The following CYP21A2 variants were observed in gnomAD, a reference collection of about 807,000 sequenced individuals.
CYP21A2 encodes the protein steroid 21-hydroxylase.
In CYP21A2, 24 loss-of-function variants were observed where a neutral mutation model predicts 47.4. The observed-to-expected ratio is 0.51, with a 90% CI of 0.37 to 0.71. CYP21A2 has a LOEUF of 0.71. Among genes scored for constraint, CYP21A2 ranks in the 30% least tolerant of loss-of-function variants. The pLI is 0.00. For missense variants in CYP21A2, 358 were observed against 643.2 expected, an observed-to-expected ratio of 0.56 and a Z score of 4.80; for synonymous variants, 130 against 273.9, an observed-to-expected ratio of 0.47 and a Z score of 5.19.
rs370227702 is a variant in CYP21A2, at chr6:32,041,194, C to G, written c.*60C>G. On this transcript the variant is annotated 3_prime_UTR_variant, in exon 10 of 10. Coordinates refer to ENST00000644719, the MANE Select transcript of CYP21A2 (RefSeq NM_000500.9). Reference sequence around the variant, plus strand: ...TTCTCCTTTATTGCTCCCGTACGAACCCCTCCCCTCCCCCCTGTAAACACA... The same window carrying G: ...TTCTCCTTTATTGCTCCCGTACGAAGCCCTCCCCTCCCCCCTGTAAACACA... 6,960 of 976,308 alleles carry G rather than the reference C, an allele frequency of 7.1e-3. 1 individual carries two copies. Among genetic ancestry groups the G allele is most frequent in the South Asian group, 0.013 (1,025 of 77,040 alleles). 60.5% of individuals were successfully genotyped at this position (976,308 alleles called of 1,614,324 possible).
Position 32,041,208 on chromosome 6 carries a change from C to T in CYP21A2, c.*74C>T. 3 of 927,632 alleles carry T rather than the reference C, an allele frequency of 3.2e-6. 1 individual carries two copies. Among genetic ancestry groups the T allele is most frequent in the Non-Finnish European group, 5.3e-6 (3 of 569,222 alleles). 57.5% of individuals were successfully genotyped at this position (927,632 alleles called of 1,614,324 possible). On this transcript the variant is annotated 3_prime_UTR_variant, in exon 10 of 10. Transcript: ENST00000644719. ...TCCCGTACGAACCCCTCCCCTCCCC[C>T]CTGTAAACACAGTGCTGCGAGATCG...
chr6:32,039,016 G>T, intron 2 of CYP21A2, 78 bp from the exon 3 acceptor site: 3 of 1,553,834 alleles, frequency 1.9e-6, no homozygotes, highest in Non-Finnish European at 2.6e-6. Context: ...GAAAGCAGGG[G>T]TTGGGGAGGC....
Position 32,039,816 on chromosome 6 carries a change from T to A in CYP21A2, c.719T>A (p.Met240Lys), listed in dbSNP as rs6476. Residue 240 changes from methionine to lysine, a missense_variant, in exon 6 of 10, where the codon ATG becomes AAG. Physicochemically the swap from Met to Lys is moderately conservative, Grantham distance 95. Coordinates refer to ENST00000644719, the MANE Select transcript of CYP21A2 (RefSeq NM_000500.9). ...GAGAAGAGGGATCACATCGTGGAGA[T>A]GCAGCTGAGGCAGCACAAGGTGGGG... The part of the protein sequence containing the change: ...AIEKRDHIVE[M>K]QLRQHKESLV... 8.8e-4 allele frequency: 1,417 copies of A among 1,613,904 alleles called. 14 individuals carry two copies. In the African/African-American group the frequency reaches 0.015, roughly 17 times the overall value.
intron 2 of CYP21A2, 64 bp from the exon 3 acceptor site, chr6:32,039,030 A>C (rs1327221100): frequency 6.4e-7 from 1 of 1,561,874 alleles, no homozygotes. Flanking sequence ...GGGAGGCCGA[A>C]GAAGGTCAGG....
In CYP21A2 at chr6:32,039,765, G is replaced by C; in HGVS notation, c.668G>C (p.Gly223Ala). 1 of 1,612,856 alleles carries C rather than the reference G, an allele frequency of 6.2e-7. No homozygotes were observed. Among genetic ancestry groups the C allele is most frequent in the African/African-American group, 1.3e-5 (1 of 74,974 alleles). ...CTGCCGCAGTTCTTCCCCAATCCAG[G>C]TCTCCGGAGGCTGAAGCAGGCCATA... is the stretch of plus-strand genomic sequence containing the variant. ...IPFLRFFPNPGLRRLKQAIEK... is the reference protein window; with the variant it reads ...IPFLRFFPNPALRRLKQAIEK... The change falls in exon 6 of 10, where the codon GGT becomes GCT. Residue 223 changes from glycine to alanine, a missense_variant. Physicochemically the swap from Gly to Ala is moderately conservative, Grantham distance 60. Transcript: ENST00000644719.
rs761406994 is a variant in CYP21A2 at position 32,039,386 on chromosome 6, G to A, written c.478G>A (p.Ala160Thr). 13 of 1,612,164 alleles carry A rather than the reference G, an allele frequency of 8.1e-6. No homozygotes were observed. The highest frequency in any genetic ancestry group is 1.1e-5 in the Non-Finnish European group (13 of 1,179,266). ...RMRAQPGTPV[A>T]IEEEFSLLTC... ...GAGAGCCCAGCCCGGCACCCCTGTG[G>A]CCATTGAGGAGGAATTCTCTCTCCT... Residue 160 changes from alanine to threonine, a missense_variant, in exon 4 of 10, where the codon GCC becomes ACC. Physicochemically the swap from Ala to Thr is moderately conservative, Grantham distance 58. Coordinates refer to ENST00000644719, the MANE Select transcript of CYP21A2 (RefSeq NM_000500.9).
chr6:32,039,734 T>C lies in CYP21A2; in HGVS notation c.652-15T>C. The C allele has an allele frequency of 1.9e-6, 3 of 1,599,354 alleles. No homozygotes were observed. Among genetic ancestry groups the C allele is most frequent in the Non-Finnish European group, 2.6e-6 (3 of 1,173,364 alleles). On this transcript the variant is annotated splice_polypyrimidine_tract_variant and intron_variant, in intron 5 of 9. Coordinates refer to ENST00000644719, the MANE Select transcript of CYP21A2 (RefSeq NM_000500.9). ...GCTCCTTCCCACAGCTGCATTCTCA[T>C]GCTTCCTGCCGCAGTTCTTCCCCAA...
At chr6:32,039,937 G>A (rs1407874578) in intron 6 of CYP21A2, 68 bp from the exon 7 acceptor site, 2 of 1,609,416 alleles carry the variant, frequency 1.2e-6, no homozygotes, top group Non-Finnish European at 1.7e-6. Flanking sequence ...CCCAGTTATG[G>A]GCCTGTTGCC....
At chr6:32,039,062 T>TGG in intron 2 of CYP21A2, 32 bp from the exon 3 acceptor site, 1 of 1,565,826 alleles carries the variant, frequency 6.4e-7, no homozygotes, top group Non-Finnish European at 8.7e-7. Context: ...CTTCATCAGT[T>TGG]CCCACCCTCC....
intron 2 of CYP21A2, 64 bp from the exon 3 acceptor site, chr6:32,039,027 CGAA>C (rs1562756023): frequency 4.5e-6 from 7 of 1,555,688 alleles, no homozygotes; most frequent in South Asian, 1.2e-5. Context: ...TTGGGGAGGC[CGAA>C]GAAGGTCAGG....
At chr6:32,040,265 C>A in intron 7 of CYP21A2, 60 bp downstream of exon 7, 3 of 1,612,594 alleles carry the variant, frequency 1.9e-6, no homozygotes, top group South Asian at 1.1e-5. Context: ...GCGGTGGGCA[C>A]CCTCACTCAG....
Position 32,041,628 on chromosome 6 carries a change from A to G in CYP21A2, c.*494A>G, listed in dbSNP as rs1776405425. ...GCTGGCCCTTTCCAGCCAATAAATCAACTCCAGCTCCCTCTGCGAGGCTGG... is the reference window on the plus strand; with the variant it reads ...GCTGGCCCTTTCCAGCCAATAAATCGACTCCAGCTCCCTCTGCGAGGCTGG... On this transcript the variant is annotated 3_prime_UTR_variant, in exon 10 of 10. Transcript: ENST00000644719. The G allele has an allele frequency of 3.7e-6, 4 of 1,091,330 alleles. No homozygotes were observed. The highest frequency in any genetic ancestry group is 5.5e-6 in the Non-Finnish European group (4 of 730,030). 67.6% of individuals were successfully genotyped at this position (1,091,330 alleles called of 1,614,324 possible). A position where few individuals can be genotyped will look rare whatever the true frequency, so the allele number is the denominator to read the frequency against.
intron 7 of CYP21A2, 44 bp downstream of exon 7, chr6:32,040,249 G>T (rs751174502): frequency 1.9e-5 from 31 of 1,612,596 alleles, no homozygotes; most frequent in Non-Finnish European, 2.6e-5. Flanking sequence ...CAGCAACCTG[G>T]CCAGGGCGGT....
Position 32,039,570 on chromosome 6 carries a change from T to G in CYP21A2, c.574T>G (p.Tyr192Asp), listed in dbSNP as rs1776117858. The G allele has an allele frequency of 6.3e-7, 1 of 1,581,542 alleles. No homozygotes were observed. The highest frequency in any genetic ancestry group is 2.3e-5 in the East Asian group (1 of 43,688). The change falls in exon 5 of 10, where the codon TAC becomes GAC. Residue 192 changes from tyrosine to aspartate, a missense_variant. Coordinates refer to ENST00000644719, the MANE Select transcript of CYP21A2 (RefSeq NM_000500.9). Reference protein sequence around the residue: ...IKDDNLMPAYYKCIQEVLKTW... With the variant: ...IKDDNLMPAYDKCIQEVLKTW... The stretch of plus-strand genomic sequence containing the variant: ...GGACGACAACTTAATGCCTGCCTAT[T>G]ACAAATGTATCCAGGAGGTGTTAAA...
In CYP21A2 at chr6:32,039,842, A is replaced by C. The variant is rs745622551; in HGVS notation, c.738+7A>C. ...GCAGCTGAGGCAGCACAAGGTGGGG[A>C]CTGTACGTGGACGGCCTCCCCTCGG... On this transcript the variant is annotated splice_region_variant and intron_variant, in intron 6 of 9. Transcript: ENST00000644719. The C allele has an allele frequency of 6.2e-7, 1 of 1,613,104 alleles. No individual in the cohort carries two copies. The highest frequency in any genetic ancestry group is 1.3e-5 in the African/African-American group (1 of 74,860).
rs1460792252 is a variant in CYP21A2 at position 32,038,421 on chromosome 6, C to T, written c.-2C>T. ...CCTCAGGGCCCTGACGGGCGTCTCGCCATGCTGCTCCTGGGCCTGCTGCTG... is the reference window on the plus strand; with the variant it reads ...CCTCAGGGCCCTGACGGGCGTCTCGTCATGCTGCTCCTGGGCCTGCTGCTG... On this transcript the variant is annotated 5_prime_UTR_variant, in exon 1 of 10. Transcript: ENST00000644719. 2.6e-6 allele frequency: 4 copies of T among 1,551,010 alleles called. No homozygotes were observed. The highest frequency in any genetic ancestry group is 1.4e-5 in the African/African-American group (1 of 73,032).
chr6:32,040,433 G>C lies in CYP21A2; in HGVS notation c.967G>C (p.Asp323His), dbSNP rs142058202. The C allele has an allele frequency of 1.2e-6, 2 of 1,613,006 alleles. No homozygotes were observed. Among genetic ancestry groups the C allele is most frequent in the Non-Finnish European group, 1.7e-6 (2 of 1,179,824 alleles). The change falls in exon 8 of 10, where the codon GAC becomes CAC. Residue 323 changes from aspartate to histidine, a missense_variant. By Grantham distance (81) the Asp-to-His change is moderately conservative (BLOSUM62 -1). Transcript: ENST00000644719. ...TCAGCAGCGACTGCAGGAGGAGCTA[G>C]ACCACGAACTGGGCCCTGGTGCCTC... The part of the protein sequence containing the change: ...EIQQRLQEEL[D>H]HELGPGASSS...
At position 32,040,415 on chromosome 6, in the gene CYP21A2, C is replaced by T. The variant is rs748290896; in HGVS notation, c.949C>T (p.Arg317Ter). The T allele has an allele frequency of 4.3e-6, 7 of 1,613,026 alleles. No homozygotes were observed. Among genetic ancestry groups the T allele is most frequent in the East Asian group, 2.2e-5 (1 of 44,870 alleles). The stretch of plus-strand genomic sequence containing the variant: ...CCCGATCATTCCCCAGATTCAGCAG[C>T]GACTGCAGGAGGAGCTAGACCACGA... ...FLLHHPEIQQRLQEELDHELG... is the reference protein window; with the variant it reads ...FLLHHPEIQQ Residue 317 changes from arginine (R) to a stop codon, truncating the protein, a stop_gained, in exon 8 of 10, where the codon CGA becomes TGA. Transcript: ENST00000644719. LOFTEE classifies it high-confidence loss of function.
In CYP21A2 at chr6:32,040,694, G is replaced by T; in HGVS notation, c.1145G>T (p.Gly382Val). 6.3e-7 allele frequency: 1 copy of T among 1,583,098 alleles called. No individual in the cohort carries two copies. The highest frequency in any genetic ancestry group is 1.7e-5 in the Admixed American group (1 of 59,956). The change falls in exon 9 of 10, where the codon GGC becomes GTC. Residue 382 changes from glycine (G) to valine (V), a missense_variant. Transcript: ENST00000644719. Reference protein sequence around the residue: ...SSISGYDIPEGTVIIPNLQGA... With the variant: ...SSISGYDIPEVTVIIPNLQGA... Reference sequence around the variant, plus strand: ...ATCTCCGGCTACGACATCCCTGAGGGCACAGTCATCATTCCGAACCTCCAA... The same window carrying T: ...ATCTCCGGCTACGACATCCCTGAGGTCACAGTCATCATTCCGAACCTCCAA...
Sources: gnomAD v4.1 joint callset for allele counts on GRCh38, gnomAD v4.1.1 for gene constraint, MANE v1.5 for transcripts, NCBI Gene and HGNC (gene_info 2026-07-23, HGNC 2026-07-21) for gene names.